Variants in GXYLT2 observed in about 807,000 individuals in gnomAD.
GXYLT2 encodes glycosyltransferase 8 domain containing 4.
GXYLT2 carries 53 observed loss-of-function variants against 45.8 expected under a neutral mutation model. The observed-to-expected ratio is 1.16, with a 90% CI of 0.93 to 1.46. The LOEUF is 1.46. GXYLT2 is among the 40% of genes most tolerant of loss of function. The pLI, the probability that GXYLT2 is intolerant of heterozygous loss-of-function variation, is 0.00. For missense variants in GXYLT2, 551 were observed against 544.4 expected (o/e 1.01, Z -0.12); for synonymous variants, 219 against 214.2 (o/e 1.02, Z -0.19).
At chr3:72,965,020 A>G (rs542935861) in intron 5 of GXYLT2, among the ~76,000 whole-genome samples, 37 of 152,302 alleles carry the variant, frequency 2.4e-4, no homozygotes, top group Non-Finnish European at 4.4e-5. Context: ...CAGGCAGCTA[A>G]TAGAGGAGTT....
chr3:72,936,916 G>A (rs940634914), intron 3 of GXYLT2, among the ~76,000 whole-genome samples: 8 of 152,100 alleles, frequency 5.3e-5, no homozygotes, highest in African/African-American at 1.9e-4. Context: ...TCCAGGGTAG[G>A]AAGTTAATAG....
intron 4 of GXYLT2, among the ~76,000 whole-genome samples, chr3:72,956,751 G>A (rs750861844): frequency 2.0e-5 from 3 of 151,972 alleles, no homozygotes; most frequent in African/African-American, 4.8e-5. Context: ...TTAGCCGGGC[G>A]TGATGGCGTG....
intron 2 of GXYLT2, among the ~76,000 whole-genome samples, chr3:72,917,542 C>G (rs1238807137): frequency 2.0e-5 from 3 of 151,816 alleles, no homozygotes; most frequent in African/African-American, 7.3e-5. Flanking sequence ...TCATGTATTT[C>G]AAAAAATGTT....
At chr3:72,931,126 C>T (rs1035849653) in intron 3 of GXYLT2, among the ~76,000 whole-genome samples, 12 of 152,138 alleles carry the variant, frequency 7.9e-5, no homozygotes, top group Admixed American at 2.0e-4. Flanking sequence ...TGTATGTTCT[C>T]TGACCACAGT....
intron 5 of GXYLT2, among the ~76,000 whole-genome samples, chr3:72,964,611 G>A (rs140410620): frequency 1.6e-4 from 24 of 152,308 alleles, no homozygotes; most frequent in Middle Eastern, 3.4e-3. Flanking sequence ...GTGAGCCATT[G>A]CACCCAGCCG....
At position 72,939,005 on chromosome 3, in the gene GXYLT2, G is replaced by T. The variant is rs1364645723; in HGVS notation, c.601-16093G>T. Among the ~76,000 whole-genome samples the T allele has an allele frequency of 2.0e-5, 3 of 152,122 alleles. No individual in the cohort carries two copies. In the East Asian group the frequency reaches 5.8e-4, roughly 29 times the overall value. The stretch of plus-strand genomic sequence containing the variant: ...CATTGGTACACCCTGCTCTTTGTTA[G>T]AACGTCACAAAAATGAATATGTAAG... On this transcript the variant is annotated intron_variant, in intron 3 of 6. Coordinates refer to ENST00000389617, the MANE Select transcript of GXYLT2 (RefSeq NM_001080393.2).
At chr3:72,939,036 T>C (rs1261552350) in intron 3 of GXYLT2, among the ~76,000 whole-genome samples, 4 of 152,218 alleles carry the variant, frequency 2.6e-5, no homozygotes, top group East Asian at 1.9e-4. Context: ...GTAAGTTATA[T>C]GTAATTCCAC....
rs1709102157 is a variant in GXYLT2, at chr3:72,888,207, G to A, written c.-27G>A. On this transcript the variant is annotated 5_prime_UTR_variant, in exon 1 of 7. Coordinates refer to ENST00000389617, the MANE Select transcript of GXYLT2 (RefSeq NM_001080393.2). ...TGCGCAGAGGGGCCGAGCCGCCTGG[G>A]GGCCGCCGCCGCCGCCGCGCCGCAC... 2.0e-6 allele frequency: 2 copies of A among 985,022 alleles called. No homozygotes were observed. The highest frequency in any genetic ancestry group is 1.2e-6 in the Non-Finnish European group (1 of 832,708). 61.0% of individuals were successfully genotyped at this position (985,022 alleles called of 1,614,324 possible).
chr3:72,921,421 CAATTT>C (rs111344849), intron 2 of GXYLT2, among the ~76,000 whole-genome samples: 2 of 151,816 alleles, frequency 1.3e-5, no homozygotes, highest in African/African-American at 2.4e-5. Flanking sequence ...TTTTCTTTTT[CAATTT>C]AATTTAATTT....
intron 3 of GXYLT2, among the ~76,000 whole-genome samples, chr3:72,941,467 C>G (rs1243634429): frequency 1.3e-5 from 2 of 152,178 alleles, no homozygotes; most frequent in Admixed American, 6.5e-5. Flanking sequence ...GTGTGTCACT[C>G]TTTCCCAGAT....
At chr3:72,962,715 G>C (rs1405455874) in intron 5 of GXYLT2, among the ~76,000 whole-genome samples, 1 of 152,172 alleles carries the variant, frequency 6.6e-6, no homozygotes, top group Non-Finnish European at 1.5e-5. Flanking sequence ...GGAGGAGGTA[G>C]AAGGTAGACT....
chr3:72,911,090 G>A (rs1178691335), intron 2 of GXYLT2, among the ~76,000 whole-genome samples: 2 of 152,110 alleles, frequency 1.3e-5, no homozygotes, highest in African/African-American at 2.4e-5. Flanking sequence ...TCAGGAGTTC[G>A]AGACCAGCCT....
In GXYLT2 at chr3:72,915,691, G is replaced by T. The variant is rs1180262051; in HGVS notation, c.469-6513G>T. ...GTCTCTACTAAAAATACAAAAATTA[G>T]CCCATGTTGTGGCATGCGCCTGTAA... On this transcript the variant is annotated intron_variant, in intron 2 of 6. Transcript: ENST00000389617. Among the ~76,000 whole-genome samples, 2 of 152,046 alleles carry T rather than the reference G, an allele frequency of 1.3e-5. 1 individual carries two copies. Among genetic ancestry groups the T allele is most frequent in the South Asian group, 4.2e-4 (2 of 4,818 alleles).
chr3:72,925,275 A>G (rs1045941225), intron 3 of GXYLT2, among the ~76,000 whole-genome samples: 1 of 151,528 alleles, frequency 6.6e-6, no homozygotes, highest in African/African-American at 2.4e-5. Context: ...TCCTGCCTCA[A>G]TCCCCCAAGT....
intron 3 of GXYLT2, among the ~76,000 whole-genome samples, chr3:72,948,869 C>T (rs1710461671): frequency 6.6e-6 from 1 of 150,512 alleles, no homozygotes; most frequent in Non-Finnish European, 1.5e-5. Context: ...CCTTTGACTG[C>T]TCTGTGAGGA....
intron 3 of GXYLT2, among the ~76,000 whole-genome samples, chr3:72,948,110 C>G (rs1318805418): frequency 6.6e-6 from 1 of 152,168 alleles, no homozygotes; most frequent in African/African-American, 2.4e-5. Context: ...TAATGATTCC[C>G]TAATTATACC....
intron 3 of GXYLT2, among the ~76,000 whole-genome samples, chr3:72,938,513 T>C (rs1710233075): frequency 6.6e-6 from 1 of 152,194 alleles, no homozygotes; most frequent in Non-Finnish European, 1.5e-5. Flanking sequence ...AGCAACACAT[T>C]CTCTGGGGAG....
chr3:72,893,402 A>G (rs540384483), intron 1 of GXYLT2, among the ~76,000 whole-genome samples: 3 of 152,104 alleles, frequency 2.0e-5, no homozygotes, highest in African/African-American at 2.4e-5. Flanking sequence ...ACTATGCTCA[A>G]ATGTTTTCTC....
At chr3:72,889,572 A>T (rs943253986) in intron 1 of GXYLT2, among the ~76,000 whole-genome samples, 5 of 152,188 alleles carry the variant, frequency 3.3e-5, no homozygotes, top group Non-Finnish European at 7.3e-5. Flanking sequence ...CTGTCGCTTT[A>T]AAGTACTTAT....
Sources: gnomAD v4.1 joint callset for allele counts (sites outside exome capture counted in the v4.1 genomes callset) on GRCh38, gnomAD v4.1.1 for gene constraint, MANE v1.5 for transcripts, NCBI Gene and HGNC (gene_info 2026-07-23, HGNC 2026-07-21) for gene names.